RARS1: variants seen among roughly 807,000 people sequenced by gnomAD.
The protein encoded by RARS1 is arginine--tRNA ligase, cytoplasmic.
RARS1 carries 75 observed loss-of-function variants against 78.7 expected under a neutral mutation model. The observed-to-expected ratio is 0.95, with a 90% CI of 0.79 to 1.15. RARS1 has a LOEUF of 1.15. Among genes scored for constraint, RARS1 ranks in the 50% most tolerant of loss-of-function variants. The pLI is 0.00. For synonymous variants in RARS1, 273 were observed against 268.2 expected (o/e 1.02, Z -0.18); for missense variants, 787 against 787.5 (o/e 1.00, Z 0.01).
At chr5:168,491,782 A>G (rs1758090307) in intron 2 of RARS1, among the ~76,000 whole-genome samples, 1 of 152,206 alleles carries the variant, frequency 6.6e-6, no homozygotes, top group Admixed American at 6.5e-5. Flanking sequence ...CTCAAGTATT[A>G]ACTTTTGTTA....
intron 6 of RARS1, among the ~76,000 whole-genome samples, chr5:168,496,349 A>G (rs567460391): frequency 3.4e-4 from 50 of 147,996 alleles, no homozygotes; most frequent in Admixed American, 6.1e-4. Context: ...ACTGCACTCC[A>G]GCCTGGGCAA....
rs778300362 is a variant in RARS1, at chr5:168,519,062, CTTTTTTCTATCTT to C, written c.1874-16_1874-4del. On this transcript the variant is annotated splice_region_variant and splice_polypyrimidine_tract_variant and intron_variant, in intron 14 of 14. Coordinates refer to ENST00000231572, the MANE Select transcript of RARS1 (RefSeq NM_002887.4). ...AAAAGGAAAACAAGTTAATTAACAA[CTTTTTTCTATCTT>C]TTCAGGAAAAATATTGAAGGTGAAC... 1.3e-6 allele frequency: 2 copies of C among 1,587,036 alleles called. No individual in the cohort carries two copies. The highest frequency in any genetic ancestry group is 1.7e-6 in the Non-Finnish European group (2 of 1,163,034).
intron 12 of RARS1, among the ~76,000 whole-genome samples, chr5:168,514,344 A>G (rs1167774019): frequency 1.3e-5 from 2 of 152,174 alleles, no homozygotes; most frequent in African/African-American, 2.4e-5. Context: ...CTCCAAGTAC[A>G]TATGTTAGAA....
At chr5:168,492,061 G>C (rs998319520) in intron 2 of RARS1, among the ~76,000 whole-genome samples, 7 of 150,924 alleles carry the variant, frequency 4.6e-5, no homozygotes, top group Non-Finnish European at 4.4e-5. Flanking sequence ...CAGCAGTCTA[G>C]TGGTAGAGAC....
chr5:168,509,659 C>G (rs903081408), intron 11 of RARS1, among the ~76,000 whole-genome samples: 4 of 118,278 alleles, frequency 3.4e-5, no homozygotes, highest in South Asian at 2.6e-4. Flanking sequence ...TTTTTTCTTT[C>G]TTTCTTTTTT....
At chr5:168,518,676 C>G (rs973808124) in intron 14 of RARS1, among the ~76,000 whole-genome samples, 1 of 151,996 alleles carries the variant, frequency 6.6e-6, no homozygotes, top group Non-Finnish European at 1.5e-5. Flanking sequence ...ATGAAGTAGC[C>G]AGAATTAATG....
chr5:168,511,238 T>C (rs892641148), intron 12 of RARS1, among the ~76,000 whole-genome samples: 16 of 149,338 alleles, frequency 1.1e-4, no homozygotes, highest in South Asian at 4.2e-4. Context: ...AGAGGAGAGG[T>C]CATGCATACC....
chr5:168,505,979 G>T (rs757489177), intron 9 of RARS1, 42 bp from the exon 10 acceptor site: 2 of 1,482,942 alleles, frequency 1.3e-6, no homozygotes, highest in Admixed American at 2.1e-5. Flanking sequence ...TTTCCTTCAG[G>T]GTTCTTTTAA....
At chr5:168,497,006 T>G (rs1197606116) in intron 6 of RARS1, 2 of 364,964 alleles carry the variant, frequency 5.5e-6, no homozygotes, top group Non-Finnish European at 9.7e-6. Flanking sequence ...TTGTGCAGCC[T>G]CTAGTACTTG....
In RARS1 at chr5:168,510,688, T is replaced by G; in HGVS notation, c.1452+2T>G. Reference sequence around the variant, plus strand: ...TTGAAGGAAAAAGAAAGAGACAAGGTAATTCAAAGCCTTATAGGCATAATG... The same window carrying G: ...TTGAAGGAAAAAGAAAGAGACAAGGGAATTCAAAGCCTTATAGGCATAATG... On this transcript the variant is annotated splice_donor_variant, in intron 12 of 14. Coordinates refer to ENST00000231572, the MANE Select transcript of RARS1 (RefSeq NM_002887.4). LOFTEE classifies it high-confidence loss of function. 1 of 1,588,948 alleles carries G rather than the reference T, an allele frequency of 6.3e-7. No individual in the cohort carries two copies. Among genetic ancestry groups the G allele is most frequent in the Non-Finnish European group, 8.6e-7 (1 of 1,167,080 alleles).
rs1758456842 is a variant in RARS1, at chr5:168,506,765, G to A, written c.1280G>A (p.Gly427Asp). 6.2e-7 allele frequency: 1 copy of A among 1,613,854 alleles called. No homozygotes were observed. Among genetic ancestry groups the A allele is most frequent in the African/African-American group, 1.3e-5 (1 of 74,980 alleles). Residue 427 changes from glycine (G) to aspartate (D), a missense_variant, in exon 11 of 15, where the codon GGT becomes GAT. Transcript: ENST00000231572. Reference sequence around the variant, plus strand: ...ATATTTGCTGCTGCTCAAATGATTGGTTGGTATGACCCTAAAGTAACTCGA... The same window carrying A: ...ATATTTGCTGCTGCTCAAATGATTGATTGGTATGACCCTAAAGTAACTCGA... ...QTIFAAAQMI[G>D]WYDPKVTRVF... is the part of the protein sequence containing the mutation.
chr5:168,513,173 G>A (rs1758598898), intron 12 of RARS1, among the ~76,000 whole-genome samples: 1 of 150,104 alleles, frequency 6.7e-6, no homozygotes, highest in Non-Finnish European at 1.5e-5. Flanking sequence ...AGCCTCCTGA[G>A]TAGCTGGGAC....
In RARS1 at chr5:168,497,219, T is replaced by C; in HGVS notation, c.702-9T>C. 1 of 1,468,894 alleles carries C rather than the reference T, an allele frequency of 6.8e-7. No homozygotes were observed. The highest frequency in any genetic ancestry group is 9.0e-7 in the Non-Finnish European group (1 of 1,105,638). 91.0% of individuals were successfully genotyped at this position (1,468,894 alleles called of 1,614,324 possible). A position where few individuals can be genotyped will look rare whatever the true frequency, so the allele number is the denominator to read the frequency against. ...AAAAAATGATTATATATTCTCTGAT[T>C]GGTGTTAGGTTAAATCATGTAGGAG... On this transcript the variant is annotated splice_polypyrimidine_tract_variant and intron_variant, in intron 6 of 14. Coordinates refer to ENST00000231572, the MANE Select transcript of RARS1 (RefSeq NM_002887.4).
intron 12 of RARS1, among the ~76,000 whole-genome samples, chr5:168,514,263 T>C (rs1215983471): frequency 6.6e-6 from 1 of 152,226 alleles, no homozygotes; most frequent in African/African-American, 2.4e-5. Context: ...AGTTCTTTCA[T>C]CAGGTTAGGA....
intron 12 of RARS1, 129 bp downstream of exon 12, chr5:168,510,815 C>G (rs375562295): frequency 1.8e-6 from 1 of 547,794 alleles, no homozygotes. Flanking sequence ...ATTGCTCTGA[C>G]TTTATTGCAC....
chr5:168,494,175 C>G (rs1758137010), intron 4 of RARS1, 173 bp downstream of exon 4: 1 of 903,482 alleles, frequency 1.1e-6, no homozygotes, highest in Non-Finnish European at 1.3e-6. Context: ...ACTCAGCTAC[C>G]ACTTTTAGCT....
At position 168,493,959 on chromosome 5, in the gene RARS1, C is replaced by T; in HGVS notation, c.435C>T (p.Leu145=). ...REIAENITKH[L]PDNECIEKVE... The stretch of plus-strand genomic sequence containing the variant: ...TTGCTGAAAACATTACCAAACACCT[C>T]CCAGACAATGAATGTATTGAAAAAG... The change falls in exon 4 of 15, where the codon CTC becomes CTT. Residue 145 remains leucine, a synonymous_variant. Transcript: ENST00000231572. 4 of 1,613,396 alleles carry T rather than the reference C, an allele frequency of 2.5e-6. No homozygotes were observed. Among genetic ancestry groups the T allele is most frequent in the Middle Eastern group, 1.7e-4 (1 of 6,058 alleles).
chr5:168,512,201 C>T (rs1758576200), intron 12 of RARS1, among the ~76,000 whole-genome samples: 1 of 152,178 alleles, frequency 6.6e-6, no homozygotes, highest in Non-Finnish European at 1.5e-5. Flanking sequence ...ATGAAGGTGC[C>T]ACATTTTGTT....
At chr5:168,487,534 T>G (rs1757996365) in intron 1 of RARS1, among the ~76,000 whole-genome samples, 1 of 152,238 alleles carries the variant, frequency 6.6e-6, no homozygotes, top group Non-Finnish European at 1.5e-5. Flanking sequence ...TCTTTACATT[T>G]CTGAGCCATT....
Sources: gnomAD v4.1 joint callset for allele counts (sites outside exome capture counted in the v4.1 genomes callset) on GRCh38, gnomAD v4.1.1 for gene constraint, MANE v1.5 for transcripts, NCBI Gene and HGNC (gene_info 2026-07-23, HGNC 2026-07-21) for gene names.